The following GPC5 variants were observed in gnomAD, a reference collection of about 807,000 sequenced individuals.
The protein encoded by GPC5 is glypican-5.
Under a neutral mutation model 53.9 loss-of-function variants are expected in GPC5, and 47 were observed. The ratio of observed to expected loss-of-function variants is 0.87; its 90% CI spans 0.69 to 1.11. GPC5 has a LOEUF of 1.11. Ranked by LOEUF, GPC5 falls within the 50% of genes most tolerant of loss-of-function variation. The pLI is 0.00. For synonymous variants in GPC5, 286 were observed against 263.3 expected (o/e 1.09, Z -0.84); for missense variants, 748 against 713.1 (o/e 1.05, Z -0.56).
intron 2 of GPC5, among the ~76,000 whole-genome samples, chr13:91,666,369 T>G (rs771752667): frequency 4.6e-5 from 7 of 152,220 alleles, no homozygotes; most frequent in African/African-American, 7.2e-5. Context: ...TCAAATAATT[T>G]AATTATTTTC....
intron 7 of GPC5, among the ~76,000 whole-genome samples, chr13:92,710,316 AT>A (rs1888090187): frequency 6.6e-6 from 1 of 152,220 alleles, no homozygotes; most frequent in South Asian, 2.1e-4. Context: ...GAACTCACTA[AT>A]GTCATTGAAA....
intron 7 of GPC5, among the ~76,000 whole-genome samples, chr13:92,198,249 A>T (rs551695997): frequency 6.6e-6 from 1 of 152,282 alleles, no homozygotes; most frequent in Admixed American, 6.5e-5. Context: ...CCACACTAAA[A>T]TGCTACCTTC....
chr13:92,129,619 G>A (rs1051986475), intron 6 of GPC5, among the ~76,000 whole-genome samples: 1 of 152,086 alleles, frequency 6.6e-6, no homozygotes, highest in South Asian at 2.1e-4. Context: ...TGGATGAAAT[G>A]GAGATTGTAG....
chr13:92,246,987 G>A (rs998231730), intron 7 of GPC5, among the ~76,000 whole-genome samples: 5 of 152,032 alleles, frequency 3.3e-5, no homozygotes, highest in South Asian at 2.1e-4. Context: ...ATTTTTTGCC[G>A]TGCTATGTCA....
intron 7 of GPC5, among the ~76,000 whole-genome samples, chr13:92,828,704 C>A (rs961282125): frequency 1.3e-5 from 2 of 152,094 alleles, no homozygotes; most frequent in Admixed American, 1.3e-4. Flanking sequence ...TGAGGAGGAT[C>A]ACAGGGTTCT....
chr13:91,809,810 T>C (rs2138800671), intron 5 of GPC5, among the ~76,000 whole-genome samples: 1 of 152,180 alleles, frequency 6.6e-6, no homozygotes, highest in Admixed American at 6.6e-5. Flanking sequence ...AAAATTCTCG[T>C]GAATATGTGA....
At chr13:91,813,649 A>T (rs569081306) in intron 5 of GPC5, among the ~76,000 whole-genome samples, 28 of 152,148 alleles carry the variant, frequency 1.8e-4, no homozygotes, top group Non-Finnish European at 3.2e-4. Context: ...CGAGTATTGG[A>T]TATAACAGGG....
intron 6 of GPC5, among the ~76,000 whole-genome samples, chr13:91,933,904 T>A (rs1407066850): frequency 2.0e-5 from 3 of 151,880 alleles, no homozygotes; most frequent in African/African-American, 7.2e-5. Flanking sequence ...GCTGTCCTGG[T>A]AGTGTTTTAT....
At chr13:92,049,159 T>C (rs908333969) in intron 6 of GPC5, among the ~76,000 whole-genome samples, 8 of 152,158 alleles carry the variant, frequency 5.3e-5, no homozygotes, top group South Asian at 2.1e-4. Context: ...AAAATGAACA[T>C]TGATTTTCAC....
At chr13:92,340,640 T>C (rs1566546177) in intron 7 of GPC5, 3 of 152,188 alleles carry the variant, frequency 2.0e-5, no homozygotes, top group South Asian at 4.1e-4. Context: ...TTAAGCAATG[T>C]CATTTTAATT....
chr13:92,422,563 G>A lies in GPC5; in HGVS notation c.1561+277574G>A, dbSNP rs1033954178. On this transcript the variant is annotated intron_variant, in intron 7 of 7. Coordinates refer to ENST00000377067, the MANE Select transcript of GPC5 (RefSeq NM_004466.6). ...TTGGAAAGAAAAGTATTCCCCCATT[G>A]TAGTCATGACGAGAGGTGAGATTAG... 1.5e-4 allele frequency among the ~76,000 whole-genome samples: 23 copies of A among 150,104 alleles called. 1 individual carries two copies. Among genetic ancestry groups the A allele is most frequent in the African/African-American group, 5.4e-4 (22 of 40,590 alleles).
At chr13:92,596,922 A>G (rs1883900853) in intron 7 of GPC5, among the ~76,000 whole-genome samples, 1 of 152,216 alleles carries the variant, frequency 6.6e-6, no homozygotes, top group African/African-American at 2.4e-5. Flanking sequence ...CAGATTTTCT[A>G]CCTTATTTGG....
At position 92,224,010 on chromosome 13, in the gene GPC5, G is replaced by A. The variant is rs1353723918; in HGVS notation, c.1561+79021G>A. Among the ~76,000 whole-genome samples the A allele has an allele frequency of 2.0e-5, 3 of 151,948 alleles. No individual in the cohort carries two copies. In the East Asian group the frequency reaches 5.8e-4, roughly 29 times the overall value. ...GAAAAAATAAGCATCTAGTATACAC[G>A]CATGTTGAAACTTGATCAAACCCTG... On this transcript the variant is annotated intron_variant, in intron 7 of 7. Transcript: ENST00000377067.
At chr13:91,766,946 A>C (rs928145602) in intron 5 of GPC5, among the ~76,000 whole-genome samples, 2 of 152,222 alleles carry the variant, frequency 1.3e-5, no homozygotes, top group Non-Finnish European at 1.5e-5. Context: ...AGAATCCTAG[A>C]TATAACATAG....
chr13:92,685,494 C>A (rs1450530432), intron 7 of GPC5, among the ~76,000 whole-genome samples: 1 of 149,598 alleles, frequency 6.7e-6, no homozygotes, highest in Non-Finnish European at 1.5e-5. Context: ...GCAAGTCTGA[C>A]CCTCTGCATT....
At chr13:92,817,843 C>A (rs1393002039) in intron 7 of GPC5, among the ~76,000 whole-genome samples, 4 of 151,822 alleles carry the variant, frequency 2.6e-5, no homozygotes, top group Admixed American at 2.0e-4. Context: ...CTCAGAAGAA[C>A]AAGGTTTTAA....
chr13:91,558,223 A>G (rs1055628343), intron 2 of GPC5, among the ~76,000 whole-genome samples: 5 of 152,094 alleles, frequency 3.3e-5, no homozygotes, highest in African/African-American at 9.7e-5. Flanking sequence ...GGTAAGTACC[A>G]TGTGTATTTG....
intron 3 of GPC5, among the ~76,000 whole-genome samples, chr13:91,714,255 A>G (rs2036287289): frequency 6.6e-6 from 1 of 152,222 alleles, no homozygotes; most frequent in African/African-American, 2.4e-5. Flanking sequence ...AAAAGCACTA[A>G]TAGTTTTCAA....
chr13:92,824,798 A>T, intron 7 of GPC5, among the ~76,000 whole-genome samples: 2 of 152,094 alleles, frequency 1.3e-5, no homozygotes, highest in East Asian at 1.9e-4. Context: ...ATAGTAAACA[A>T]TCTACAAGCC....
Sources: gnomAD v4.1 joint callset for allele counts (sites outside exome capture counted in the v4.1 genomes callset) on GRCh38, gnomAD v4.1.1 for gene constraint, MANE v1.5 for transcripts, NCBI Gene and HGNC (gene_info 2026-07-23, HGNC 2026-07-21) for gene names.